The following EXT2 variants were observed in gnomAD, a reference collection of about 807,000 sequenced individuals.
The protein encoded by EXT2 is exostosin-2.
Under a neutral mutation model 81.6 loss-of-function variants are expected in EXT2, and 53 were observed. That is an observed-to-expected ratio of 0.65 (90% CI 0.52 to 0.82). The LOEUF is 0.82. Ranked by LOEUF, EXT2 falls within the 40% of genes least tolerant of loss-of-function variation. EXT2 has a pLI of 0.00. For synonymous variants in EXT2, 320 were observed against 340.0 expected, an observed-to-expected ratio of 0.94 and a Z score of 0.65; for missense variants, 774 against 910.2, an observed-to-expected ratio of 0.85 and a Z score of 1.93.
chr11:44,115,843 T>A (rs1190447313), intron 4 of EXT2: 1 of 152,172 alleles, frequency 6.6e-6, no homozygotes, highest in Non-Finnish European at 1.5e-5. Flanking sequence ...CAAATTTTGT[T>A]ATGTAGACGA....
At chr11:44,209,638 A>G (rs1221538026) in intron 10 of EXT2, among the ~76,000 whole-genome samples, 2 of 152,178 alleles carry the variant, frequency 1.3e-5, no homozygotes, top group Non-Finnish European at 1.5e-5. Context: ...GGGGAGTTAT[A>G]TTGGATCCCA....
chr11:44,154,742 T>C (rs1413441903), intron 7 of EXT2, among the ~76,000 whole-genome samples: 1 of 152,180 alleles, frequency 6.6e-6, no homozygotes, highest in Non-Finnish European at 1.5e-5. Context: ...GCTGTACCTG[T>C]TTACATTCCC....
In EXT2 at chr11:44,121,117, G is replaced by A. The variant is rs1336365450; in HGVS notation, c.744-3672G>A. The stretch of plus-strand genomic sequence containing the variant: ...GTTCACATTGGGTGGGGAAGAAGGC[G>A]CACGTGGAATGTTCAAGCCCTAGTG... On this transcript the variant is annotated intron_variant, in intron 4 of 13. Coordinates refer to ENST00000533608, the MANE Select transcript of EXT2 (RefSeq NM_207122.2). 3.3e-5 allele frequency among the ~76,000 whole-genome samples: 5 copies of A among 152,176 alleles called. No individual in the cohort carries two copies. The East Asian group carries it at 5.8e-4, about 18-fold the overall frequency.
intron 7 of EXT2, among the ~76,000 whole-genome samples, chr11:44,166,369 G>A (rs1272872345): frequency 6.6e-6 from 1 of 152,178 alleles, no homozygotes; most frequent in East Asian, 1.9e-4. Context: ...ATTTAAGCAG[G>A]ATTGAGATTG....
At chr11:44,171,045 T>C (rs578118881) in intron 7 of EXT2, among the ~76,000 whole-genome samples, 1 of 152,210 alleles carries the variant, frequency 6.6e-6, no homozygotes, top group South Asian at 2.1e-4. Context: ...ATATTATAAG[T>C]GTTGAGCAAA....
At chr11:44,171,582 C>T (rs754675060) in intron 7 of EXT2, 29 bp from the exon 8 acceptor site, 1 of 1,614,092 alleles carries the variant, frequency 6.2e-7, no homozygotes, top group Admixed American at 1.7e-5. Flanking sequence ...CTCGCTTGCT[C>T]ACTTAAAACA....
At chr11:44,096,443 C>A (rs1196675830) in intron 1 of EXT2, 3 of 1,047,970 alleles carry the variant, frequency 2.9e-6, no homozygotes, top group Non-Finnish European at 4.2e-6. Flanking sequence ...ACTGGGTGGC[C>A]GGGGTCATGT....
intron 9 of EXT2, among the ~76,000 whole-genome samples, chr11:44,200,601 C>A (rs1287370044): frequency 6.6e-6 from 1 of 152,084 alleles, no homozygotes; most frequent in Admixed American, 6.6e-5. Flanking sequence ...TGTCAGCAAC[C>A]CAGGATGGTC....
chr11:44,156,809 G>A (rs1954861621), intron 7 of EXT2, among the ~76,000 whole-genome samples: 1 of 152,174 alleles, frequency 6.6e-6, no homozygotes, highest in Admixed American at 6.5e-5. Context: ...GCATTGAAGA[G>A]TTAGGTATTT....
At chr11:44,110,154 G>T (rs1954123091) in intron 3 of EXT2, among the ~76,000 whole-genome samples, 1 of 152,168 alleles carries the variant, frequency 6.6e-6, no homozygotes, top group African/African-American at 2.4e-5. Context: ...ACAGCCTGAG[G>T]TATTAGCCTG....
chr11:44,101,961 A>G (rs538413207), intron 1 of EXT2, among the ~76,000 whole-genome samples: 31 of 151,900 alleles, frequency 2.0e-4, no homozygotes, highest in African/African-American at 6.8e-4. Flanking sequence ...AAAAAAAAAA[A>G]AAAATTAAGA....
chr11:44,247,283 G>C lies in EXT2; in HGVS notation c.*2996G>C, dbSNP rs1174180272. On this transcript the variant is annotated 3_prime_UTR_variant, in exon 14 of 14. Coordinates refer to ENST00000533608, the MANE Select transcript of EXT2 (RefSeq NM_207122.2). ...TTTTTTGAGACAGAGTCTTGCTCTT[G>C]TCACCCAGGCTGGAGTGCAACAATA... Among the ~76,000 whole-genome samples, 3 of 32,310 alleles carry C rather than the reference G, an allele frequency of 9.3e-5. No homozygotes were observed. Among genetic ancestry groups the C allele is most frequent in the African/African-American group, 3.3e-4 (3 of 9,140 alleles). 21.2% of individuals were successfully genotyped at this position (32,310 alleles called of 152,430 possible).
chr11:44,231,600 G>A (rs1001875947), intron 10 of EXT2, among the ~76,000 whole-genome samples: 5 of 152,150 alleles, frequency 3.3e-5, no homozygotes, highest in African/African-American at 1.2e-4. Context: ...GTCTGGTGAT[G>A]GTTGAGGAAC....
At chr11:44,146,676 G>A (rs773202501) in intron 7 of EXT2, among the ~76,000 whole-genome samples, 5 of 152,248 alleles carry the variant, frequency 3.3e-5, no homozygotes, top group Admixed American at 6.5e-5. Context: ...ATCACCACAG[G>A]GTAAGTTAGA....
intron 4 of EXT2, among the ~76,000 whole-genome samples, chr11:44,115,320 A>G (rs1311959504): frequency 6.6e-6 from 1 of 152,168 alleles, no homozygotes; most frequent in Non-Finnish European, 1.5e-5. Flanking sequence ...CTCCCAAGTA[A>G]CAGGAACTGT....
intron 8 of EXT2, among the ~76,000 whole-genome samples, chr11:44,188,546 C>T (rs1424994136): frequency 4.6e-5 from 7 of 152,230 alleles, no homozygotes; most frequent in Middle Eastern, 3.4e-3. Flanking sequence ...CCAGCAGAAG[C>T]AGACACAAAC....
Position 44,188,220 on chromosome 11 carries a change from C to T in EXT2, c.1306-9609C>T, listed in dbSNP as rs143109072. 7.6e-3 allele frequency among the ~76,000 whole-genome samples: 1,154 copies of T among 152,288 alleles called. 15 individuals are homozygous for T. Among genetic ancestry groups the T allele is most frequent in the African/African-American group, 0.026 (1,073 of 41,558 alleles). On this transcript the variant is annotated intron_variant, in intron 8 of 13. Transcript: ENST00000533608. ...GGAGGTGAGTGGGAGCCAAAATCAG[C>T]TTTTGCCATGGAGACTTTTGTAGAC...
At chr11:44,197,227 G>T (rs970228077) in intron 8 of EXT2, among the ~76,000 whole-genome samples, 1 of 152,050 alleles carries the variant, frequency 6.6e-6, no homozygotes, top group Non-Finnish European at 1.5e-5. Context: ...TGTGAATCTG[G>T]GCCTCTAACT....
intron 5 of EXT2, among the ~76,000 whole-genome samples, chr11:44,125,703 A>G (rs1450715038): frequency 6.6e-6 from 1 of 151,612 alleles, no homozygotes; most frequent in Non-Finnish European, 1.5e-5. Context: ...TAATCTCCAG[A>G]GAGCTTGCCC....
Sources: allele counts gnomAD v4.1 joint callset (sites outside exome capture counted in the v4.1 genomes callset), GRCh38; gene constraint gnomAD v4.1.1; transcripts MANE v1.5; gene names NCBI Gene and HGNC (gene_info 2026-07-23, HGNC 2026-07-21).